CLTCL1: variants seen among roughly 807,000 people sequenced by gnomAD.
The protein encoded by CLTCL1 is clathrin heavy chain 2.
Under a neutral mutation model 190.0 loss-of-function variants are expected in CLTCL1, and 159 were observed. That is an observed-to-expected ratio of 0.84 (90% CI 0.74 to 0.95). The LOEUF (loss-of-function observed/expected upper bound fraction) is 0.95, where lower values mean the gene tolerates loss of function less well. Among genes scored for constraint, CLTCL1 ranks in the 40% least tolerant of loss-of-function variants. The pLI is 0.00. For missense variants in CLTCL1, 1,878 were observed against 2,033.4 expected (o/e 0.92, Z 1.47); for synonymous variants, 752 against 769.6 (o/e 0.98, Z 0.38).
At chr22:19,184,541 A>G (rs2084248947) in intron 29 of CLTCL1, 1 of 455,896 alleles carries the variant, frequency 2.2e-6, no homozygotes, top group Admixed American at 2.4e-5. Flanking sequence ...CTGTTCCTAC[A>G]AAGGCACCAG....
At chr22:19,233,919 T>C (rs2085995918) in intron 7 of CLTCL1, among the ~76,000 whole-genome samples, 1 of 152,334 alleles carries the variant, frequency 6.6e-6, no homozygotes, top group South Asian at 2.1e-4. Context: ...TATCATTATA[T>C]TCTAATTCAA....
chr22:19,224,439 G>A (rs1044249070), intron 13 of CLTCL1, among the ~76,000 whole-genome samples: 3 of 152,166 alleles, frequency 2.0e-5, no homozygotes. Context: ...TGGCCTCCAG[G>A]AGGAGGCCTG....
chr22:19,223,726 G>C (rs2085648129), intron 14 of CLTCL1, among the ~76,000 whole-genome samples, 165 bp downstream of exon 14: 1 of 152,172 alleles, frequency 6.6e-6, no homozygotes, highest in African/African-American at 2.4e-5. Flanking sequence ...ACGATAGAAG[G>C]GTTACTTTAG....
At chr22:19,244,341 A>G (rs2086352070) in intron 3 of CLTCL1, among the ~76,000 whole-genome samples, 1 of 152,246 alleles carries the variant, frequency 6.6e-6, no homozygotes, top group South Asian at 2.1e-4. Flanking sequence ...CAGGCATGAA[A>G]GGCTGCATAT....
chr22:19,256,538 T>G (rs2086764915), intron 2 of CLTCL1, among the ~76,000 whole-genome samples: 1 of 151,804 alleles, frequency 6.6e-6, no homozygotes, highest in South Asian at 2.1e-4. Context: ...CGCATTTTTT[T>G]GTAGAGATGG....
intron 20 of CLTCL1, 119 bp from the exon 21 acceptor site, chr22:19,209,233 G>A: frequency 1.2e-6 from 1 of 836,150 alleles, no homozygotes; most frequent in Non-Finnish European, 1.8e-6. Context: ...ACTTCAGTCA[G>A]AAGCAATCAG....
intron 19 of CLTCL1, among the ~76,000 whole-genome samples, chr22:19,211,779 A>C (rs1291635162): frequency 3.3e-5 from 5 of 149,466 alleles, no homozygotes; most frequent in Admixed American, 6.7e-5. Context: ...AAAAAAAAAA[A>C]AAAACAAAAA....
chr22:19,265,833 G>C (rs1166845756), intron 2 of CLTCL1, among the ~76,000 whole-genome samples: 1 of 152,164 alleles, frequency 6.6e-6, no homozygotes, highest in Non-Finnish European at 1.5e-5. Context: ...CACCTTGCCA[G>C]AAGTAGGGTT....
At chr22:19,254,315 A>G in intron 2 of CLTCL1, 88 bp from the exon 3 acceptor site, 2 of 1,163,150 alleles carry the variant, frequency 1.7e-6, no homozygotes, top group African/African-American at 1.5e-5. Context: ...AATTCTTTTA[A>G]TATTACTTTA....
At chr22:19,238,227 C>CTACA (rs1302359922) in intron 5 of CLTCL1, among the ~76,000 whole-genome samples, 1 of 152,076 alleles carries the variant, frequency 6.6e-6, no homozygotes, top group African/African-American at 2.4e-5. Context: ...GTAGCTGGGA[C>CTACA]TACAGGTGCA....
chr22:19,197,791 C>A (rs920442211), intron 24 of CLTCL1, among the ~76,000 whole-genome samples: 3 of 152,132 alleles, frequency 2.0e-5, no homozygotes, highest in African/African-American at 7.2e-5. Context: ...GGAGCCAGCA[C>A]ACTCTCTGGG....
Position 19,202,713 on chromosome 22 carries a change from C to T in CLTCL1, c.3601-1220G>A, listed in dbSNP as rs117870181. 9.4e-3 allele frequency among the ~76,000 whole-genome samples: 1,426 copies of T among 152,260 alleles called. 34 individuals carry two copies. Among genetic ancestry groups the T allele is most frequent in the East Asian group, 0.068 (354 of 5,174 alleles). ...TCTACTGCCACCCCTCCTTCCATCACCCATGGCATCTCTCATGTTAACTCT... is the reference window on the plus strand; with the variant it reads ...TCTACTGCCACCCCTCCTTCCATCATCCATGGCATCTCTCATGTTAACTCT... On this transcript the variant is annotated intron_variant, in intron 22 of 32. Coordinates refer to ENST00000427926, the MANE Select transcript of CLTCL1 (RefSeq NM_007098.4).
rs782811978 is a variant in CLTCL1, at chr22:19,191,287, G to A, written c.4323+17C>T. 6.8e-6 allele frequency: 11 copies of A among 1,613,952 alleles called. No individual in the cohort carries two copies. Among genetic ancestry groups the A allele is most frequent in the Non-Finnish European group, 9.3e-6 (11 of 1,179,878 alleles). On this transcript the variant is annotated intron_variant, in intron 27 of 32. Transcript: ENST00000427926. The stretch of plus-strand genomic sequence containing the variant: ...TAGCCCAATACACTCTTCTACCTGG[G>A]GTTTTGGTTGACTCACCTTTGAAAA...
intron 3 of CLTCL1, among the ~76,000 whole-genome samples, chr22:19,245,067 G>A (rs1555967333): frequency 6.6e-6 from 1 of 152,054 alleles, no homozygotes; most frequent in Non-Finnish European, 1.5e-5. Context: ...ACCTAAGCTG[G>A]AGTAAGAGCT....
In CLTCL1 at chr22:19,226,260, T is replaced by C; in HGVS notation, c.1906A>G (p.Ile636Val). Residue 636 changes from isoleucine to valine, a missense_variant, in exon 12 of 33, where the codon ATC becomes GTC. Physicochemically the swap from Ile to Val is conservative, Grantham distance 29. Transcript: ENST00000427926. ...ALEHYTDLYD[I>V]KRAVVHTHLL... ...TGAGTGTGGACCACAGCCCTCTTGA[T>C]GTCATAGAGGTCGGTGTAGTGCTCC... is the stretch of plus-strand genomic sequence containing the variant. 1 of 1,613,988 alleles carries C rather than the reference T, an allele frequency of 6.2e-7. No homozygotes were observed. Among genetic ancestry groups the C allele is most frequent in the Non-Finnish European group, 8.5e-7 (1 of 1,179,874 alleles).
chr22:19,273,585 C>A (rs1555981691), intron 2 of CLTCL1, among the ~76,000 whole-genome samples: 1 of 152,108 alleles, frequency 6.6e-6, no homozygotes, highest in Admixed American at 6.6e-5. Flanking sequence ...ACAGAAAAAA[C>A]AAGGTTACTG....
chr22:19,285,552 T>G (rs1424056937), intron 1 of CLTCL1, among the ~76,000 whole-genome samples: 1 of 152,222 alleles, frequency 6.6e-6, no homozygotes, highest in African/African-American at 2.4e-5. Context: ...AGCTGGATTC[T>G]GGCCTGTCAA....
chr22:19,190,993 G>T (rs1555931640), intron 27 of CLTCL1, among the ~76,000 whole-genome samples: 1 of 152,056 alleles, frequency 6.6e-6, no homozygotes, highest in Admixed American at 6.6e-5. Flanking sequence ...AGCCAGGGTG[G>T]TCTCGATCTC....
intron 29 of CLTCL1, among the ~76,000 whole-genome samples, chr22:19,186,543 G>A (rs541516739): frequency 1.3e-5 from 2 of 152,094 alleles, no homozygotes; most frequent in Admixed American, 1.3e-4. Context: ...GGGACTACAG[G>A]TGCACACAAC....
Sources: allele counts gnomAD v4.1 joint callset (sites outside exome capture counted in the v4.1 genomes callset), GRCh38; gene constraint gnomAD v4.1.1; transcripts MANE v1.5; gene names NCBI Gene and HGNC (gene_info 2026-07-23, HGNC 2026-07-21).